GIT2: variants seen among roughly 807,000 people sequenced by gnomAD.
GIT2 encodes the protein GIT ArfGAP 2, also known as ARF GTPase-activating protein GIT2.
GIT2 carries 32 observed loss-of-function variants against 100.3 expected under a neutral mutation model. The ratio of observed to expected loss-of-function variants is 0.32; its 90% CI spans 0.24 to 0.43. GIT2 has a LOEUF of 0.43. Ranked by LOEUF, GIT2 falls within the 20% of genes least tolerant of loss-of-function variation. GIT2 has a pLI of 1.00. For synonymous variants in GIT2, 353 were observed against 364.1 expected, an observed-to-expected ratio of 0.97 and a Z score of 0.35; for missense variants, 737 against 975.1, an observed-to-expected ratio of 0.76 and a Z score of 3.25.
At chr12:109,995,935 G>T (rs912944331) in intron 1 of GIT2, among the ~76,000 whole-genome samples, 1 of 152,220 alleles carries the variant, frequency 6.6e-6, no homozygotes, top group Non-Finnish European at 1.5e-5. Flanking sequence ...AGTTGGCCTA[G>T]GACGGAGGGA....
chr12:109,994,880 G>A (rs1292390481), intron 1 of GIT2, among the ~76,000 whole-genome samples: 1 of 152,062 alleles, frequency 6.6e-6, no homozygotes, highest in East Asian at 1.9e-4. Flanking sequence ...ACACTAACTT[G>A]GTTTAGAAAA....
At position 109,962,814 on chromosome 12, in the gene GIT2, C is replaced by A. The variant is rs908017734; in HGVS notation, c.817-1129G>T. On this transcript the variant is annotated intron_variant, in intron 9 of 19. Transcript: ENST00000355312. This position sits in a 1 kb window ranked among gnomAD's most constrained non-coding sequence, Gnocchi z 4.3. The stretch of plus-strand genomic sequence containing the variant: ...TGGCCAGAAAAGAGGCACTGGCTGG[C>A]CAGAAGGGATTTAATGCAGCAATTT... Among the ~76,000 whole-genome samples, 10 of 152,144 alleles carry A rather than the reference C, an allele frequency of 6.6e-5. No homozygotes were observed. Among genetic ancestry groups the A allele is most frequent in the Admixed American group, 3.9e-4 (6 of 15,260 alleles).
chr12:109,941,802 T>G (rs1874798950), intron 16 of GIT2, among the ~76,000 whole-genome samples: 1 of 151,718 alleles, frequency 6.6e-6, no homozygotes, highest in African/African-American at 2.4e-5. Context: ...ATTATAGGTG[T>G]GAGCCACCGC....
At chr12:109,987,644 T>C (rs1027615735) in intron 4 of GIT2, among the ~76,000 whole-genome samples, 1 of 151,850 alleles carries the variant, frequency 6.6e-6, no homozygotes, top group Non-Finnish European at 1.5e-5. Context: ...ATTGTTATAT[T>C]CTTTGTAGAG....
intron 7 of GIT2, among the ~76,000 whole-genome samples, chr12:109,968,297 T>C (rs1257134221): frequency 2.0e-5 from 3 of 152,212 alleles, no homozygotes; most frequent in East Asian, 1.9e-4. Context: ...TGGCATCTCA[T>C]TGTGCTAATG....
intron 7 of GIT2, among the ~76,000 whole-genome samples, chr12:109,968,276 T>C (rs529156513): frequency 7.2e-5 from 11 of 152,186 alleles, no homozygotes; most frequent in Admixed American, 1.3e-4. Flanking sequence ...ATCATTCTAA[T>C]AGGTATGCTG....
intron 4 of GIT2, among the ~76,000 whole-genome samples, chr12:109,984,370 C>T (rs1004872226): frequency 6.6e-6 from 1 of 151,876 alleles, no homozygotes; most frequent in Non-Finnish European, 1.5e-5. Flanking sequence ...TGTGATCATG[C>T]CACTGCACTC....
chr12:109,972,825 T>G (rs1884222072), intron 7 of GIT2, among the ~76,000 whole-genome samples: 1 of 151,964 alleles, frequency 6.6e-6, no homozygotes, highest in Non-Finnish European at 1.5e-5. Context: ...TGTTGCATTT[T>G]TCTCTATTTT....
intron 4 of GIT2, among the ~76,000 whole-genome samples, chr12:109,985,427 GAA>G (rs551903451): frequency 1.2e-3 from 179 of 151,982 alleles, no homozygotes; most frequent in East Asian, 3.1e-3. Flanking sequence ...AAAGGGGGGG[GAA>G]AAAAGGCCAG....
rs1877773969 is a variant in GIT2, at chr12:109,951,286, C to G, written c.1273G>C (p.Val425Leu). Residue 425 changes from valine (V) to leucine (L), a missense_variant, in exon 14 of 20, where the codon GTC (valine) becomes CTC (leucine). Val to Leu is a conservative substitution (Grantham distance 32). Coordinates refer to ENST00000355312, the MANE Select transcript of GIT2 (RefSeq NM_057169.5). ...ACCTCCATAAATTCCTGTACAGTGACTGGTCCATCTGATAAATCTGAATCT... is the reference window on the plus strand; with the variant it reads ...ACCTCCATAAATTCCTGTACAGTGAGTGGTCCATCTGATAAATCTGAATCT... ...SLDSDLSDGP[V>L]TVQEFMEVKN... is the part of the protein sequence containing the mutation. 6.2e-7 allele frequency: 1 copy of G among 1,611,788 alleles called. No individual in the cohort carries two copies. Among genetic ancestry groups the G allele is most frequent in the African/African-American group, 1.3e-5 (1 of 74,984 alleles).
In GIT2 at chr12:109,933,025, C is replaced by G; in HGVS notation, c.2233G>C (p.Ala745Pro). The change falls in exon 20 of 20, where the codon GCT becomes CCT. Residue 745 changes from alanine to proline, a missense_variant. Ala to Pro is a conservative substitution (Grantham distance 27, BLOSUM62 -1). This residue lies in a region of GIT2 where 451 missense variants were observed against 543.7 expected (regional missense o/e 0.83). Coordinates refer to ENST00000355312, the MANE Select transcript of GIT2 (RefSeq NM_057169.5). The surrounding 1 kb of genome is among the most constrained non-coding windows in gnomAD (Gnocchi z 4.5). Reference sequence around the variant, plus strand: ...GTGATGGTAACCAGCTGCTTGGCAGCCTTGGCGATGTCGTACGCACACTGG... The same window carrying G: ...GTGATGGTAACCAGCTGCTTGGCAGGCTTGGCGATGTCGTACGCACACTGG... ...VIQCAYDIAK[A>P]AKQLVTITTK... 6.2e-7 allele frequency: 1 copy of G among 1,613,702 alleles called. No individual in the cohort carries two copies. Among genetic ancestry groups the G allele is most frequent in the East Asian group, 2.2e-5 (1 of 44,880 alleles).
chr12:109,955,847 A>T (rs1033062134), intron 12 of GIT2, among the ~76,000 whole-genome samples: 2 of 149,748 alleles, frequency 1.3e-5, no homozygotes, highest in African/African-American at 2.5e-5. Flanking sequence ...CTGAGTATGT[A>T]GGACTACAGA....
chr12:109,992,995 C>T (rs1249778778), intron 1 of GIT2, among the ~76,000 whole-genome samples: 1 of 151,542 alleles, frequency 6.6e-6, no homozygotes, highest in Non-Finnish European at 1.5e-5. Flanking sequence ...ACATAAACTA[C>T]CAAGTCCAAT....
intron 4 of GIT2, among the ~76,000 whole-genome samples, chr12:109,986,483 G>C (rs1322342195): frequency 6.6e-6 from 1 of 152,094 alleles, no homozygotes; most frequent in African/African-American, 2.4e-5. Flanking sequence ...TACAAAAAAT[G>C]GCCGGGCGTG....
At chr12:109,950,861 G>A (rs1351533692) in intron 14 of GIT2, 1 of 258,064 alleles carries the variant, frequency 3.9e-6, no homozygotes, top group Non-Finnish European at 7.6e-6. Flanking sequence ...CTAGCAATGG[G>A]AAGAATCACA....
At chr12:109,999,925 A>T, upstream of GIT2, 2 of 624,518 alleles carry the variant, frequency 3.2e-6, no homozygotes, top group Non-Finnish European at 5.1e-6. This position sits in a 1 kb window ranked among gnomAD's most constrained non-coding sequence, Gnocchi z 4.3. Context: ...GACAGTCCTA[A>T]TAATAGGACA....
rs1872118348 is a variant in GIT2 at position 109,933,566 on chromosome 12, A to C, written c.2068-376T>G. ...AAATCAACATTCATGCAGAACAAAA[A>C]TATTTCAAAGCTCTATACGACTGCA... On this transcript the variant is annotated intron_variant, in intron 19 of 19. Transcript: ENST00000355312. The surrounding 1 kb of genome is among the most constrained non-coding windows in gnomAD (Gnocchi z 4.5). 9.2e-6 allele frequency: 2 copies of C among 217,618 alleles called. No homozygotes were observed. Among genetic ancestry groups the C allele is most frequent in the South Asian group, 1.9e-4 (2 of 10,658 alleles). 13.5% of individuals were successfully genotyped at this position (217,618 alleles called of 1,614,324 possible). A position where few individuals can be genotyped will look rare whatever the true frequency, so the allele number is the denominator to read the frequency against.
chr12:109,960,229 A>G (rs993197187), intron 11 of GIT2, among the ~76,000 whole-genome samples: 1 of 152,246 alleles, frequency 6.6e-6, no homozygotes, highest in African/African-American at 2.4e-5. Flanking sequence ...TATTTTGGTA[A>G]GCAAAAATAA....
Position 109,983,682 on chromosome 12 carries a change from T to G in GIT2, c.418A>C (p.Ser140Arg). 1 of 1,611,948 alleles carries G rather than the reference T, an allele frequency of 6.2e-7. No individual in the cohort carries two copies. The highest frequency in any genetic ancestry group is 8.5e-7 in the Non-Finnish European group (1 of 1,178,338). ...GTTTCAAGATTCCCTGTTCTCACGC[T>G]CGAATGGAGTTGCTGAAAAACGCAG... ...AKDLSKQLHS[S>R]VRTGNLETCL... is the part of the protein sequence containing the mutation. The change falls in exon 5 of 20, where the codon AGC (serine) becomes CGC (arginine). Residue 140 changes from serine to arginine, a missense_variant. Transcript: ENST00000355312.
Sources: gnomAD v4.1 joint callset for allele counts (sites outside exome capture counted in the v4.1 genomes callset) on GRCh38, gnomAD v4.1.1 for gene constraint, gnomAD v4.1.1 regional missense constraint, Gnocchi (gnomAD v3.1) non-coding constraint, MANE v1.5 for transcripts, NCBI Gene and HGNC (gene_info 2026-07-23, HGNC 2026-07-21) for gene names.